Variants in SLC25A37 observed in about 807,000 individuals in gnomAD.
SLC25A37 encodes the protein solute carrier family 25 member 37.
In SLC25A37, 17 loss-of-function variants were observed where a neutral mutation model predicts 31.0. The ratio of observed to expected loss-of-function variants is 0.55; its 90% CI spans 0.38 to 0.82. The LOEUF (loss-of-function observed/expected upper bound fraction) is 0.82. Ranked by LOEUF, SLC25A37 falls within the 40% of genes least tolerant of loss-of-function variation. SLC25A37 has a pLI of 0.00. For missense variants in SLC25A37, 404 were observed against 465.8 expected, an observed-to-expected ratio of 0.87 and a Z score of 1.22; for synonymous variants, 222 against 193.0, an observed-to-expected ratio of 1.15 and a Z score of -1.24.
In SLC25A37 at chr8:23,573,806, C is replaced by A. The variant is rs1034916433; in HGVS notation, c.*1951C>A. 2.2e-6 allele frequency: 1 copy of A among 456,714 alleles called. No homozygotes were observed. The highest frequency in any genetic ancestry group is 4.4e-6 in the Non-Finnish European group (1 of 226,976). 28.3% of individuals were successfully genotyped at this position (456,714 alleles called of 1,614,324 possible). ...CTGCCCTGTCCCATCTGGCAGTTAA[C>A]GCCTTCTCCCTGCTCTGCCCCCCAC... On this transcript the variant is annotated 3_prime_UTR_variant, in exon 4 of 4. Coordinates refer to ENST00000519973, the MANE Select transcript of SLC25A37 (RefSeq NM_016612.4).
intron 1 of SLC25A37, among the ~76,000 whole-genome samples, chr8:23,556,318 T>G (rs1402307564): frequency 6.6e-6 from 1 of 150,872 alleles, no homozygotes; most frequent in African/African-American, 2.4e-5. Context: ...TCTCCTGGGC[T>G]CAAGTGATCC....
chr8:23,557,854 A>C (rs1802409132), intron 1 of SLC25A37, among the ~76,000 whole-genome samples: 1 of 152,264 alleles, frequency 6.6e-6, no homozygotes, highest in East Asian at 1.9e-4. Flanking sequence ...GACATTGGGC[A>C]GCAGAGGCTA....
intron 1 of SLC25A37, among the ~76,000 whole-genome samples, chr8:23,561,814 T>C (rs1020952902): frequency 1.3e-5 from 2 of 152,040 alleles, no homozygotes; most frequent in African/African-American, 4.8e-5. Context: ...TGTGCTAGGG[T>C]GGTGTCTATG....
intron 1 of SLC25A37, among the ~76,000 whole-genome samples, chr8:23,564,306 G>T (rs1317267599): frequency 6.6e-6 from 1 of 152,072 alleles, no homozygotes; most frequent in Non-Finnish European, 1.5e-5. Context: ...CTCTGTCCCG[G>T]TGAGTGAGAG....
chr8:23,573,723 T>TAC lies in SLC25A37; in HGVS notation c.*1869_*1870dup, dbSNP rs1802920163. The TAC allele has an allele frequency of 2.3e-6, 1 of 441,222 alleles. No homozygotes were observed. Among genetic ancestry groups the TAC allele is most frequent in the Admixed American group, 2.4e-5 (1 of 41,668 alleles). The allele number at this position is 441,222 out of a possible 1,614,324, so 27.3% of individuals were successfully genotyped here. ...AGGGATGGGAAAGAGCCAAACTGGGTACCTCCCACGTGTGCCCCGTGAACA... is the reference window on the plus strand; with the variant it reads ...AGGGATGGGAAAGAGCCAAACTGGGTACACCTCCCACGTGTGCCCCGTGAACA... On this transcript the variant is annotated 3_prime_UTR_variant, in exon 4 of 4. Coordinates refer to ENST00000519973, the MANE Select transcript of SLC25A37 (RefSeq NM_016612.4).
chr8:23,534,214 A>G (rs1191284384), intron 1 of SLC25A37, among the ~76,000 whole-genome samples: 1 of 152,094 alleles, frequency 6.6e-6, no homozygotes, highest in Non-Finnish European at 1.5e-5. Context: ...TGGCCTTCCA[A>G]AGTGCTGGGA....
chr8:23,549,216 C>G (rs1435300651), intron 1 of SLC25A37, among the ~76,000 whole-genome samples: 4 of 152,186 alleles, frequency 2.6e-5, no homozygotes, highest in Non-Finnish European at 4.4e-5. Context: ...CGTTTTCTTG[C>G]AGAACGATCC....
chr8:23,549,961 C>T (rs891526711), intron 1 of SLC25A37, among the ~76,000 whole-genome samples: 2 of 137,626 alleles, frequency 1.5e-5, no homozygotes, highest in Non-Finnish European at 3.0e-5. Flanking sequence ...GCGGGCAGAT[C>T]CCCTGAGGTC....
intron 1 of SLC25A37, among the ~76,000 whole-genome samples, chr8:23,554,287 A>G (rs925164214): frequency 6.6e-6 from 1 of 152,206 alleles, no homozygotes; most frequent in African/African-American, 2.4e-5. Context: ...CTGAGGCCAT[A>G]CAATGTATCA....
chr8:23,557,025 A>G (rs1429983302), intron 1 of SLC25A37, among the ~76,000 whole-genome samples: 1 of 151,894 alleles, frequency 6.6e-6, no homozygotes, highest in Non-Finnish European at 1.5e-5. Flanking sequence ...TAATTTTTAT[A>G]TTTTTAGTAG....
In SLC25A37 at chr8:23,575,008, ATCT is replaced by A. The variant is rs1480849982; in HGVS notation, c.*3157_*3159del. ...AACTGATTTTTTCCAAATGGGTGAA[ATCT>A]TCTCCCCATGACTATGTTTTCTTAA... On this transcript the variant is annotated 3_prime_UTR_variant, in exon 4 of 4. Coordinates refer to ENST00000519973, the MANE Select transcript of SLC25A37 (RefSeq NM_016612.4). The A allele has an allele frequency of 1.3e-5, 2 of 152,204 alleles. No individual in the cohort carries two copies. Among genetic ancestry groups the A allele is most frequent in the Admixed American group, 1.3e-4 (2 of 15,286 alleles). The allele number at this position is 152,204 out of a possible 1,614,324, so 9.4% of individuals were successfully genotyped here. A position where few individuals can be genotyped will look rare whatever the true frequency, so the allele number is the denominator to read the frequency against.
intron 3 of SLC25A37, chr8:23,568,966 AG>A: frequency 1.6e-5 from 2 of 127,958 alleles, no homozygotes; most frequent in Non-Finnish European, 3.4e-5. Flanking sequence ...AAAAAAAAAA[AG>A]GGAAATGCTA....
chr8:23,542,377 C>CCTTT (rs756189496), intron 1 of SLC25A37, among the ~76,000 whole-genome samples: 2 of 118,144 alleles, frequency 1.7e-5, no homozygotes, highest in African/African-American at 7.1e-5. Context: ...TGTACTCCTA[C>CCTTT]TTTTTTTTTT....
At chr8:23,531,783 T>A (rs1801666167) in intron 1 of SLC25A37, 1 of 152,238 alleles carries the variant, frequency 6.6e-6, no homozygotes, top group South Asian at 2.1e-4. Flanking sequence ...TGGTGGATGC[T>A]TCCCATTATA....
chr8:23,546,636 T>A (rs151323042), intron 1 of SLC25A37, among the ~76,000 whole-genome samples: 4 of 143,634 alleles, frequency 2.8e-5, no homozygotes, highest in Admixed American at 7.1e-5. Context: ...ATATATATAT[T>A]TGGGCCAGGA....
rs376437395 is a variant in SLC25A37, at chr8:23,571,561, C to T, written c.723C>T (p.Gly241=). The part of the protein sequence containing the change: ...TYNPQSHIIS[G]GLAGALAAAA... ...ACCCGCAGTCCCACATCATCTCAGGCGGGCTGGCCGGGGCCCTCGCCGCGG... is the reference window on the plus strand; with the variant it reads ...ACCCGCAGTCCCACATCATCTCAGGTGGGCTGGCCGGGGCCCTCGCCGCGG... Residue 241 remains glycine (G), a synonymous_variant, in exon 4 of 4, where the codon GGC becomes GGT. Transcript: ENST00000519973. The T allele has an allele frequency of 1.4e-5, 23 of 1,613,596 alleles. No homozygotes were observed. The highest frequency in any genetic ancestry group is 1.3e-4 in the East Asian group (6 of 44,878).
At position 23,529,038 on chromosome 8, in the gene SLC25A37, G is replaced by A. The variant is rs1462659430; in HGVS notation, c.36G>A (p.Ala12=). 3 of 1,557,326 alleles carry A rather than the reference G, an allele frequency of 1.9e-6. No homozygotes were observed. Among genetic ancestry groups the A allele is most frequent in the East Asian group, 2.5e-5 (1 of 40,786 alleles). Reference sequence around the variant, plus strand: ...GCAGCGGGAGCGTGGGCAGCCAGGCGGTGGCGCGGAGGATGGATGGGGACA... The same window carrying A: ...GCAGCGGGAGCGTGGGCAGCCAGGCAGTGGCGCGGAGGATGGATGGGGACA... ...ELRSGSVGSQ[A]VARRMDGDSR... is the part of the protein sequence containing the mutation. The change falls in exon 1 of 4, where the codon GCG becomes GCA. Residue 12 remains alanine (A), a synonymous_variant. Coordinates refer to ENST00000519973, the MANE Select transcript of SLC25A37 (RefSeq NM_016612.4). The surrounding 1 kb of genome is among the most constrained non-coding windows in gnomAD (Gnocchi z 4.1).
rs1802873583 is a variant in SLC25A37 at position 23,572,203 on chromosome 8, T to TACAAAAA, written c.*349_*350insCAAAAAA. 1 of 85,756 alleles carries TACAAAAA rather than the reference T, an allele frequency of 1.2e-5. No individual in the cohort carries two copies. Among genetic ancestry groups the TACAAAAA allele is most frequent in the African/African-American group, 6.5e-5 (1 of 15,276 alleles). The allele number at this position is 85,756 out of a possible 1,614,324, so 5.3% of individuals were successfully genotyped here. On this transcript the variant is annotated 3_prime_UTR_variant, in exon 4 of 4. Coordinates refer to ENST00000519973, the MANE Select transcript of SLC25A37 (RefSeq NM_016612.4). ...GAAAATTTGCAGTGACTGAAAACAG[T>TACAAAAA]AAAAAAAAAAAAAAAAAAAAAAAAA...
chr8:23,529,189 A>G lies in SLC25A37; in HGVS notation c.187A>G (p.Met63Val), dbSNP rs755632422. ...AMAGILEHSV[M>V]YPVDSVKTRM... ...GGCCGGGATCCTGGAGCACTCGGTC[A>G]TGTACCCGGTGGACTCGGTGAAGGT... The change falls in exon 1 of 4, where the codon ATG (methionine) becomes GTG (valine). Residue 63 changes from methionine (M) to valine (V), a missense_variant. This residue lies in a region of SLC25A37 where 154 missense variants were observed against 153.6 expected (regional missense o/e 1.00). Coordinates refer to ENST00000519973, the MANE Select transcript of SLC25A37 (RefSeq NM_016612.4). The surrounding 1 kb of genome is among the most constrained non-coding windows in gnomAD (Gnocchi z 4.1). 2.5e-6 allele frequency: 4 copies of G among 1,610,502 alleles called. No individual in the cohort carries two copies. Among genetic ancestry groups the G allele is most frequent in the East Asian group, 2.2e-5 (1 of 44,572 alleles).
Sources: allele counts gnomAD v4.1 joint callset (sites outside exome capture counted in the v4.1 genomes callset), GRCh38; gene constraint gnomAD v4.1.1; regional missense constraint gnomAD v4.1.1; non-coding constraint Gnocchi (gnomAD v3.1); transcripts MANE v1.5; gene names NCBI Gene and HGNC (gene_info 2026-07-23, HGNC 2026-07-21).